The following EZH2 variants were observed in gnomAD, a reference collection of about 807,000 sequenced individuals.
EZH2 encodes the protein histone-lysine N-methyltransferase EZH2.
EZH2 carries 18 observed loss-of-function variants against 98.4 expected under a neutral mutation model. The observed-to-expected ratio is 0.18, with a 90% CI of 0.13 to 0.27. The LOEUF is 0.27. Ranked by LOEUF, EZH2 falls within the 10% of genes least tolerant of loss-of-function variation. The pLI is 1.00. For missense variants in EZH2, 470 were observed against 935.1 expected, an observed-to-expected ratio of 0.50 and a Z score of 6.49; for synonymous variants, 338 against 312.3, an observed-to-expected ratio of 1.08 and a Z score of -0.87.
At chr7:148,813,606 CCATTT>C (rs1488804073) in intron 15 of EZH2, among the ~76,000 whole-genome samples, 3 of 151,340 alleles carry the variant, frequency 2.0e-5, no homozygotes, top group Non-Finnish European at 4.4e-5. Flanking sequence ...ATAGAAATCA[CCATTT>C]ATTTGCATTA....
chr7:148,854,553 A>G (rs765530444), intron 1 of EZH2, among the ~76,000 whole-genome samples: 1 of 152,224 alleles, frequency 6.6e-6, no homozygotes, highest in Non-Finnish European at 1.5e-5. Context: ...ACAATAAACT[A>G]CATGTACTAT....
At chr7:148,821,517 G>C (rs890999754) in intron 8 of EZH2, among the ~76,000 whole-genome samples, 2 of 152,126 alleles carry the variant, frequency 1.3e-5, no homozygotes, top group African/African-American at 2.4e-5. Context: ...AAAAGAACTA[G>C]ACAAACAGAT....
At position 148,827,169 on chromosome 7, in the gene EZH2, C is replaced by T. The variant is rs1466719551; in HGVS notation, c.723G>A (p.Lys241=). ...TCAAAGGAACAAATTCTTACTTTTC[C>T]TTTAGTTCTTCTGCTGTGCCCTTAT... The part of the protein sequence containing the change: ...FPDKGTAEEL[K]EKYKELTEQQ... Residue 241 remains lysine, a synonymous_variant, in exon 7 of 20, where the codon AAG becomes AAA. Coordinates refer to ENST00000320356, the MANE Select transcript of EZH2 (RefSeq NM_004456.5). 6.2e-7 allele frequency: 1 copy of T among 1,609,630 alleles called. No homozygotes were observed. Among genetic ancestry groups the T allele is most frequent in the South Asian group, 1.1e-5 (1 of 89,782 alleles).
chr7:148,839,810 G>C (rs1811975936), intron 3 of EZH2, among the ~76,000 whole-genome samples: 1 of 152,142 alleles, frequency 6.6e-6, no homozygotes, highest in Non-Finnish European at 1.5e-5. Flanking sequence ...GCCTCCCAAA[G>C]TGCTGGGATT....
intron 10 of EZH2, 170 bp from the exon 11 acceptor site, chr7:148,817,561 C>T (rs2129471501): frequency 1.4e-6 from 1 of 696,274 alleles, no homozygotes; most frequent in Non-Finnish European, 2.3e-6. Context: ...ACTCACAGAA[C>T]GTCAAGAATA....
Position 148,872,352 on chromosome 7 carries a change from A to C in EZH2, c.-8+11812T>G, listed in dbSNP as rs550237479. On this transcript the variant is annotated intron_variant, in intron 1 of 19. Coordinates refer to ENST00000320356, the MANE Select transcript of EZH2 (RefSeq NM_004456.5). Reference sequence around the variant, plus strand: ...TTGGGGGGAGGGGGAAGTGGGAATTAGTGCTCAATGGGTACAGAATTTCAG... The same window carrying C: ...TTGGGGGGAGGGGGAAGTGGGAATTCGTGCTCAATGGGTACAGAATTTCAG... Among the ~76,000 whole-genome samples, 614 of 152,362 alleles carry C rather than the reference A, an allele frequency of 4.0e-3. 5 individuals are homozygous for C. The highest frequency in any genetic ancestry group is 0.028 in the South Asian group (136 of 4,828).
chr7:148,856,196 C>T (rs1816809978), intron 1 of EZH2, among the ~76,000 whole-genome samples: 1 of 152,132 alleles, frequency 6.6e-6, no homozygotes, highest in African/African-American at 2.4e-5. Flanking sequence ...TGTACTCTAG[C>T]TGGTAAATTT....
chr7:148,856,919 C>G (rs1482002078), intron 1 of EZH2, among the ~76,000 whole-genome samples: 1 of 152,186 alleles, frequency 6.6e-6, no homozygotes, highest in Admixed American at 6.5e-5. Flanking sequence ...CAATTTCCTT[C>G]CCCCTGAGCG....
chr7:148,832,504 C>T (rs950146456), intron 4 of EZH2, 130 bp downstream of exon 4: 2 of 571,802 alleles, frequency 3.5e-6, no homozygotes, highest in Non-Finnish European at 6.1e-6. Context: ...TTAAAAATTA[C>T]TTCAAGTGTT....
At chr7:148,841,591 T>C (rs1413536772) in intron 3 of EZH2, among the ~76,000 whole-genome samples, 2 of 152,178 alleles carry the variant, frequency 1.3e-5, no homozygotes, top group Non-Finnish European at 2.9e-5. Flanking sequence ...CATGAGAATC[T>C]AAACCTATAG....
intron 1 of EZH2, among the ~76,000 whole-genome samples, chr7:148,874,846 G>A (rs1390173300): frequency 1.3e-5 from 2 of 149,982 alleles, no homozygotes; most frequent in South Asian, 2.1e-4. Flanking sequence ...GCAGTGAGCC[G>A]AGATCGCGCC....
In EZH2 at chr7:148,810,484, C is replaced by T. The variant is rs530394740; in HGVS notation, c.1948-70G>A. ...TCAAGCCTGACAGAACACACAAAAG[C>T]GCACAGAGTGAATACTGGACCTTCT... On this transcript the variant is annotated intron_variant, in intron 16 of 19. Coordinates refer to ENST00000320356, the MANE Select transcript of EZH2 (RefSeq NM_004456.5). The T allele has an allele frequency of 2.0e-5, 21 of 1,047,026 alleles. No homozygotes were observed. The African/African-American group carries it at 2.3e-4, about 12-fold the overall frequency. 64.9% of individuals were successfully genotyped at this position (1,047,026 alleles called of 1,614,324 possible). A position where few individuals can be genotyped will look rare whatever the true frequency, so the allele number is the denominator to read the frequency against.
Position 148,813,946 on chromosome 7 carries a change from A to G in EZH2, c.1851+13T>C, listed in dbSNP as rs755606428. The G allele has an allele frequency of 6.2e-7, 1 of 1,607,716 alleles. No homozygotes were observed. The highest frequency in any genetic ancestry group is 1.7e-5 in the Admixed American group (1 of 59,270). On this transcript the variant is annotated intron_variant, in intron 15 of 19. Transcript: ENST00000320356. Reference sequence around the variant, plus strand: ...AACTACAAACAATCTTCCAGAAGTGACTTGTTGCTCACCTTTTTGGAGCCC... The same window carrying G: ...AACTACAAACAATCTTCCAGAAGTGGCTTGTTGCTCACCTTTTTGGAGCCC...
intron 5 of EZH2, 61 bp from the exon 6 acceptor site, chr7:148,828,941 T>C (rs928259800): frequency 5.3e-6 from 8 of 1,519,492 alleles, no homozygotes; most frequent in Non-Finnish European, 7.1e-6. Flanking sequence ...AGTTTATGTA[T>C]CCTTTTTCTA....
chr7:148,849,441 A>G (rs1295452245), intron 1 of EZH2, among the ~76,000 whole-genome samples: 2 of 152,194 alleles, frequency 1.3e-5, no homozygotes, highest in East Asian at 3.8e-4. Context: ...AGGACTAAGG[A>G]CCTGAAGGGA....
intron 13 of EZH2, 103 bp from the exon 14 acceptor site, chr7:148,815,142 G>C: frequency 7.1e-7 from 1 of 1,413,686 alleles, no homozygotes; most frequent in Non-Finnish European, 9.5e-7. Flanking sequence ...GTGGAGTGTA[G>C]CTGGCCTGCC....
intron 1 of EZH2, among the ~76,000 whole-genome samples, chr7:148,861,788 T>C (rs924782702): frequency 4.3e-5 from 6 of 138,274 alleles, no homozygotes; most frequent in Non-Finnish European, 4.6e-5. Context: ...CTGAGCAACA[T>C]AGCCTTCTTT....
At chr7:148,831,421 A>G (rs1809356144) in intron 4 of EZH2, among the ~76,000 whole-genome samples, 2 of 152,296 alleles carry the variant, frequency 1.3e-5, no homozygotes, top group South Asian at 4.1e-4. Context: ...TGTCTTTTCA[A>G]TCATATCCAC....
At chr7:148,881,720 G>C (rs779860276) in intron 1 of EZH2, among the ~76,000 whole-genome samples, 3 of 152,024 alleles carry the variant, frequency 2.0e-5, no homozygotes, top group African/African-American at 4.8e-5. Context: ...CATCACTTCA[G>C]GTCAGGAGTT....
Sources: allele counts gnomAD v4.1 joint callset (sites outside exome capture counted in the v4.1 genomes callset), GRCh38; gene constraint gnomAD v4.1.1; transcripts MANE v1.5; gene names NCBI Gene and HGNC (gene_info 2026-07-23, HGNC 2026-07-21).